Variants in PLK1 observed in about 807,000 individuals in gnomAD.
The protein encoded by PLK1 is polo like kinase 1.
PLK1 carries 6 observed loss-of-function variants against 56.7 expected under a neutral mutation model. The ratio of observed to expected loss-of-function variants is 0.11; its 90% confidence interval spans 0.06 to 0.21. The LOEUF is 0.21. Ranked by LOEUF, PLK1 falls within the 10% of genes least tolerant of loss-of-function variation. The pLI, the probability that PLK1 is intolerant of heterozygous loss-of-function variation, is 1.00. For synonymous variants in PLK1, 298 were observed against 325.0 expected (o/e 0.92, Z 0.89); for missense variants, 546 against 814.4 (o/e 0.67, Z 4.01).
At chr16:23,685,584 T>C (rs1483927273) in intron 5 of PLK1, among the ~76,000 whole-genome samples, 1 of 152,074 alleles carries the variant, frequency 6.6e-6, no homozygotes, top group African/African-American at 2.4e-5. Context: ...GGTGTGCACC[T>C]GTAATCTCAG....
At position 23,689,308 on chromosome 16, in the gene PLK1, T is replaced by C; in HGVS notation, c.1341T>C (p.Asp447=). The C allele has an allele frequency of 1.2e-6, 2 of 1,614,010 alleles. No homozygotes were observed. Among genetic ancestry groups the C allele is most frequent in the Non-Finnish European group, 1.7e-6 (2 of 1,179,872 alleles). ...CAACACGCCTCATCCTCTACAATGATGGTGACAGCCTGCAGTACATAGAGC... is the reference window on the plus strand; with the variant it reads ...CAACACGCCTCATCCTCTACAATGACGGTGACAGCCTGCAGTACATAGAGC... ...NDSTRLILYN[D]GDSLQYIERD... is the part of the protein sequence containing the mutation. Residue 447 remains aspartate, a synonymous_variant, in exon 8 of 10, where the codon GAT becomes GAC. Transcript: ENST00000300093. The surrounding 1 kb of genome is among the most constrained non-coding windows in gnomAD (Gnocchi z 4.8).
intron 4 of PLK1, 148 bp from the exon 5 acceptor site, chr16:23,683,722 C>T (rs537134294): frequency 1.4e-6 from 1 of 703,706 alleles, no homozygotes; most frequent in Non-Finnish European, 2.6e-6. Context: ...GAGAACTTGG[C>T]ATTGAACCAA....
At chr16:23,684,255 G>T (rs1308942939) in intron 5 of PLK1, among the ~76,000 whole-genome samples, 166 bp downstream of exon 5, 7 of 152,178 alleles carry the variant, frequency 4.6e-5, no homozygotes, top group Admixed American at 4.6e-4. Flanking sequence ...GCCCTGCCAG[G>T]AAAGACTGAC....
At chr16:23,687,809 C>T (rs1425559074) in intron 6 of PLK1, 185 bp downstream of exon 6, 1 of 406,392 alleles carries the variant, frequency 2.5e-6, no homozygotes, top group Non-Finnish European at 4.3e-6. Flanking sequence ...TCTGATCCGT[C>T]TTTTTTACTC....
chr16:23,685,079 A>G (rs1959405575), intron 5 of PLK1, among the ~76,000 whole-genome samples: 1 of 143,608 alleles, frequency 7.0e-6, no homozygotes, highest in Non-Finnish European at 1.5e-5. Flanking sequence ...TAGTTTTAAA[A>G]AGTCACTTGA....
intron 5 of PLK1, 52 bp from the exon 6 acceptor site, chr16:23,687,417 G>A: frequency 5.6e-6 from 8 of 1,419,328 alleles, no homozygotes; most frequent in Non-Finnish European, 7.5e-6. Flanking sequence ...TTCAGCTGTG[G>A]CAGGGGAGTC....
At chr16:23,685,051 G>A (rs1959405218) in intron 5 of PLK1, among the ~76,000 whole-genome samples, 1 of 124,846 alleles carries the variant, frequency 8.0e-6, no homozygotes, top group Non-Finnish European at 1.6e-5. Flanking sequence ...GTATGATCTC[G>A]ATTTCACTAA....
chr16:23,688,583 T>C, intron 6 of PLK1, 85 bp from the exon 7 acceptor site: 7 of 1,108,232 alleles, frequency 6.3e-6, no homozygotes, highest in Non-Finnish European at 9.7e-6. Context: ...CAGGCTTCCC[T>C]GTTCCCTGGT....
Position 23,684,109 on chromosome 16 carries a change from A to G in PLK1, c.1036+20A>G. 6.3e-7 allele frequency: 1 copy of G among 1,583,930 alleles called. No individual in the cohort carries two copies. Among genetic ancestry groups the G allele is most frequent in the Non-Finnish European group, 8.7e-7 (1 of 1,152,558 alleles). On this transcript the variant is annotated intron_variant, in intron 5 of 9. Coordinates refer to ENST00000300093, the MANE Select transcript of PLK1 (RefSeq NM_005030.6). Reference sequence around the variant, plus strand: ...ATAAAGGTACAACAAGGGTCTGGGTAAGAGAGCAGACCCCCCAGAGAAAGC... The same window carrying G: ...ATAAAGGTACAACAAGGGTCTGGGTGAGAGAGCAGACCCCCCAGAGAAAGC...
rs777555878 is a variant in PLK1 at position 23,679,286 on chromosome 16, C to G, written c.354C>G (p.Gly118=). The change falls in exon 1 of 10, where the codon GGC becomes GGG. Residue 118 remains glycine (G), a synonymous_variant. Transcript: ENST00000300093. ...LAHQHVVGFH[G]FFEDNDFVFV... ...ACCAGCACGTCGTAGGATTCCACGG[C>G]TTTTTCGAGGACAACGACTTCGTGT... 2 of 1,613,830 alleles carry G rather than the reference C, an allele frequency of 1.2e-6. No individual in the cohort carries two copies. The highest frequency in any genetic ancestry group is 4.5e-5 in the East Asian group (2 of 44,872).
chr16:23,687,805 C>A, intron 6 of PLK1, 181 bp downstream of exon 6: 1 of 413,754 alleles, frequency 2.4e-6, no homozygotes, highest in Non-Finnish European at 4.2e-6. Context: ...CTTTTCTGAT[C>A]CGTCTTTTTT....
Position 23,684,063 on chromosome 16 carries a change from G to A in PLK1, c.1010G>A (p.Arg337Gln), listed in dbSNP as rs781498914. Residue 337 changes from arginine to glutamine, a missense_variant, in exon 5 of 10, where the codon CGG becomes CAG. Physicochemically the swap from Arg to Gln is conservative, Grantham distance 43. Transcript: ENST00000300093. ...CCCAGCAGCCTGGACCCCAGCAACC[G>A]GAAGCCCCTCACAGTCCTCAATAAA... is the stretch of plus-strand genomic sequence containing the variant. The part of the protein sequence containing the change: ...IAPSSLDPSN[R>Q]KPLTVLNKGL... 2.5e-6 allele frequency: 4 copies of A among 1,614,068 alleles called. No individual in the cohort carries two copies. Among genetic ancestry groups the A allele is most frequent in the Non-Finnish European group, 3.4e-6 (4 of 1,179,982 alleles).
chr16:23,685,491 G>A (rs953863486), intron 5 of PLK1, among the ~76,000 whole-genome samples: 5 of 151,946 alleles, frequency 3.3e-5, no homozygotes, highest in Admixed American at 2.0e-4. Context: ...TGGATTGCCC[G>A]AGCTCAGGAG....
chr16:23,686,488 A>G (rs1959430090), intron 5 of PLK1, among the ~76,000 whole-genome samples: 4 of 151,450 alleles, frequency 2.6e-5, no homozygotes, highest in African/African-American at 7.3e-5. Context: ...AAAAATTATT[A>G]TTTACTATTT....
rs754099077 is a variant in PLK1 at position 23,690,171 on chromosome 16, G to A, written c.*108G>A. Reference sequence around the variant, plus strand: ...TGTCTGCAGTGTGCCCCCCAGCCCCGGTGGCTGGGCAGAGCTGCATCATCC... The same window carrying A: ...TGTCTGCAGTGTGCCCCCCAGCCCCAGTGGCTGGGCAGAGCTGCATCATCC... On this transcript the variant is annotated 3_prime_UTR_variant, in exon 10 of 10. Transcript: ENST00000300093. 4.1e-5 allele frequency: 34 copies of A among 839,448 alleles called. No individual in the cohort carries two copies. Among genetic ancestry groups the A allele is most frequent in the Middle Eastern group, 2.2e-4 (1 of 4,482 alleles). 52.0% of individuals were successfully genotyped at this position (839,448 alleles called of 1,614,324 possible).
At chr16:23,687,706 C>G in intron 6 of PLK1, 82 bp downstream of exon 6, 1 of 1,062,082 alleles carries the variant, frequency 9.4e-7, no homozygotes, top group Admixed American at 2.5e-5. Flanking sequence ...CAACAAAGCA[C>G]TGGTGACTTG....
At chr16:23,687,352 T>A in intron 5 of PLK1, 117 bp from the exon 6 acceptor site, 1 of 807,308 alleles carries the variant, frequency 1.2e-6, no homozygotes, top group Admixed American at 2.8e-5. Flanking sequence ...AACCAGGCAC[T>A]GATTCAGTTT....
In PLK1 at chr16:23,682,073, G is replaced by A. The variant is rs532172121; in HGVS notation, c.732G>A (p.Leu244=). 50 of 1,592,284 alleles carry A rather than the reference G, an allele frequency of 3.1e-5. No individual in the cohort carries two copies. The highest frequency in any genetic ancestry group is 4.0e-5 in the Non-Finnish European group (46 of 1,160,094). Residue 244 remains leucine, a synonymous_variant, in exon 4 of 10, where the codon TTG becomes TTA. Transcript: ENST00000300093. ...TACCTTGTGCTTACAGGTATACCTT[G>A]TTAGTGGGCAAACCACCTTTTGAGA... The part of the protein sequence containing the change: ...VWSIGCIMYT[L]LVGKPPFETS...
chr16:23,689,854 T>C lies in PLK1; in HGVS notation c.1609-6T>C. 1 of 1,612,320 alleles carries C rather than the reference T, an allele frequency of 6.2e-7. No homozygotes were observed. The highest frequency in any genetic ancestry group is 8.5e-7 in the Non-Finnish European group (1 of 1,178,466). On this transcript the variant is annotated splice_polypyrimidine_tract_variant and splice_region_variant and intron_variant, in intron 9 of 9. Coordinates refer to ENST00000300093, the MANE Select transcript of PLK1 (RefSeq NM_005030.6). The surrounding 1 kb of genome is among the most constrained non-coding windows in gnomAD (Gnocchi z 4.8). ...ATCGCCAACCCCTGCTGCTCTTCTC[T>C]TGCAGGATCACACCAAGCTCATCTT... is the stretch of plus-strand genomic sequence containing the variant.
Sources: gnomAD v4.1 joint callset for allele counts (sites outside exome capture counted in the v4.1 genomes callset) on GRCh38, gnomAD v4.1.1 for gene constraint, Gnocchi (gnomAD v3.1) non-coding constraint, MANE v1.5 for transcripts, NCBI Gene and HGNC (gene_info 2026-07-23, HGNC 2026-07-21) for gene names.